SEZ6L: variants seen among roughly 807,000 people sequenced by gnomAD.
SEZ6L encodes seizure 6-like protein.
In SEZ6L, 37 loss-of-function variants were observed where a neutral mutation model predicts 106.2. That is an observed-to-expected ratio of 0.35 (90% CI 0.27 to 0.46). The LOEUF is 0.46. SEZ6L is among the 20% of genes least tolerant of loss of function. The pLI is 1.00. For missense variants in SEZ6L, 1,172 were observed against 1,332.8 expected (o/e 0.88, Z 1.88); for synonymous variants, 541 against 570.4 (o/e 0.95, Z 0.73).
At chr22:26,379,736 G>T (rs2146093655) in intron 16 of SEZ6L, among the ~76,000 whole-genome samples, 1 of 152,304 alleles carries the variant, frequency 6.6e-6, no homozygotes, top group African/African-American at 2.4e-5. Flanking sequence ...CATGGGAAAA[G>T]GTCAGACTGA....
intron 15 of SEZ6L, among the ~76,000 whole-genome samples, chr22:26,376,709 A>G (rs1241008656): frequency 6.6e-6 from 1 of 152,192 alleles, no homozygotes; most frequent in Non-Finnish European, 1.5e-5. Context: ...AGATCATGAC[A>G]CTGCACTCCA....
At chr22:26,350,655 C>CTTTTTTT (rs1181293548) in intron 11 of SEZ6L, among the ~76,000 whole-genome samples, 1 of 130,410 alleles carries the variant, frequency 7.7e-6, no homozygotes, top group African/African-American at 2.9e-5. Flanking sequence ...AGTTAGGAAA[C>CTTTTTTT]TTTTTTTTTT....
chr22:26,231,685 G>A (rs1028075697), intron 1 of SEZ6L, among the ~76,000 whole-genome samples: 2 of 152,326 alleles, frequency 1.3e-5, no homozygotes, highest in South Asian at 2.1e-4. Flanking sequence ...AGGCCCAGGA[G>A]ACAGATCATT....
rs187005694 is a variant in SEZ6L at position 26,317,128 on chromosome 22, G to C, written c.2015+3226G>C. Among the ~76,000 whole-genome samples, 148 of 152,230 alleles carry C rather than the reference G, an allele frequency of 9.7e-4. 1 individual carries two copies. The highest frequency in any genetic ancestry group is 1.2e-3 in the Non-Finnish European group (80 of 68,014). On this transcript the variant is annotated intron_variant, in intron 9 of 16. Coordinates refer to ENST00000248933, the MANE Select transcript of SEZ6L (RefSeq NM_021115.5). ...GCATGGCAGGTGGGTAGAGACTACAGAGGGAATGGATCAAAGGGAAGCTCT... is the reference window on the plus strand; with the variant it reads ...GCATGGCAGGTGGGTAGAGACTACACAGGGAATGGATCAAAGGGAAGCTCT...
At chr22:26,342,202 G>A (rs1036386784) in intron 10 of SEZ6L, among the ~76,000 whole-genome samples, 3 of 152,162 alleles carry the variant, frequency 2.0e-5, no homozygotes, top group African/African-American at 7.2e-5. Context: ...ATTTCAATGG[G>A]CAGGATTCGG....
chr22:26,339,066 A>G (rs796115699), intron 9 of SEZ6L, among the ~76,000 whole-genome samples: 3 of 151,960 alleles, frequency 2.0e-5, no homozygotes, highest in East Asian at 1.9e-4. Flanking sequence ...CAGAGCAAGA[A>G]GCATCACCTA....
chr22:26,257,099 G>T (rs1439074708), intron 1 of SEZ6L, among the ~76,000 whole-genome samples: 8 of 152,144 alleles, frequency 5.3e-5, no homozygotes, highest in Admixed American at 2.6e-4. Flanking sequence ...GTGGGGTGGG[G>T]TTACTGCTGG....
chr22:26,303,258 T>C (rs1309244421), intron 5 of SEZ6L, among the ~76,000 whole-genome samples: 1 of 152,234 alleles, frequency 6.6e-6, no homozygotes, highest in East Asian at 1.9e-4. Context: ...GTCTTTGCTG[T>C]AGGTCACAAC....
chr22:26,304,400 G>A (rs1354119932), intron 5 of SEZ6L, among the ~76,000 whole-genome samples: 2 of 144,650 alleles, frequency 1.4e-5, no homozygotes, highest in African/African-American at 2.6e-5. Flanking sequence ...AAGAAAGAAA[G>A]AAAGAAAGAA....
intron 1 of SEZ6L, among the ~76,000 whole-genome samples, chr22:26,278,340 A>G (rs2080622420): frequency 6.6e-6 from 1 of 152,230 alleles, no homozygotes; most frequent in Admixed American, 6.5e-5. Flanking sequence ...GTGTTACATG[A>G]ATATATTGCA....
At position 26,381,485 on chromosome 22, in the gene SEZ6L, C is replaced by G. The variant is rs1253315922; in HGVS notation, c.*1190C>G. On this transcript the variant is annotated 3_prime_UTR_variant, in exon 17 of 17. Transcript: ENST00000248933. ...ATGCTGACTGAGGAGGTGCAGAGAA[C>G]AGGGGCAGGGGATTTTAAATCACAG... 6.6e-6 allele frequency: 1 copy of G among 152,330 alleles called. No homozygotes were observed. The highest frequency in any genetic ancestry group is 1.5e-5 in the Non-Finnish European group (1 of 68,194). 9.4% of individuals were successfully genotyped at this position (152,330 alleles called of 1,614,324 possible).
chr22:26,242,536 G>A (rs2079171860), intron 1 of SEZ6L, among the ~76,000 whole-genome samples: 1 of 152,088 alleles, frequency 6.6e-6, no homozygotes, highest in South Asian at 2.1e-4. Flanking sequence ...AGTGGTTTAA[G>A]AACCACGACT....
At chr22:26,316,419 G>A (rs1465047778) in intron 9 of SEZ6L, among the ~76,000 whole-genome samples, 1 of 152,222 alleles carries the variant, frequency 6.6e-6, no homozygotes, top group Non-Finnish European at 1.5e-5. Flanking sequence ...AGTAAATGCA[G>A]TGTGAAAGGA....
At chr22:26,234,890 G>T (rs1439061492) in intron 1 of SEZ6L, among the ~76,000 whole-genome samples, 1 of 152,212 alleles carries the variant, frequency 6.6e-6, no homozygotes. Context: ...TGGAAGAGGT[G>T]ATATTTAAGC....
chr22:26,252,580 T>G (rs1189027154), intron 1 of SEZ6L, among the ~76,000 whole-genome samples: 1 of 152,178 alleles, frequency 6.6e-6, no homozygotes, highest in Non-Finnish European at 1.5e-5. Context: ...CCCTCACTCC[T>G]CCCTCTAGTA....
At chr22:26,201,382 C>CAAAAAAAAAAAAAAAAAAAAAAAAAAA (rs71192905) in intron 1 of SEZ6L, among the ~76,000 whole-genome samples, 5 of 75,290 alleles carry the variant, frequency 6.6e-5, no homozygotes, top group Admixed American at 1.6e-4. Flanking sequence ...TACAAAAATA[C>CAAAAAAAAAAAAAAAAAAAAAAAAAAA]AAAAAAAAAA....
intron 1 of SEZ6L, among the ~76,000 whole-genome samples, chr22:26,218,568 G>GCT (rs572267256): frequency 4.5e-4 from 69 of 152,368 alleles, no homozygotes; most frequent in Non-Finnish European, 8.5e-4. Context: ...TTGGGAGGCT[G>GCT]AAGTGGGTGG....
At chr22:26,223,828 C>A (rs899011425) in intron 1 of SEZ6L, among the ~76,000 whole-genome samples, 2 of 151,934 alleles carry the variant, frequency 1.3e-5, no homozygotes, top group Non-Finnish European at 2.9e-5. Context: ...TAATTAAGGC[C>A]CCCGGATAGG....
At chr22:26,228,547 T>C (rs1051195782) in intron 1 of SEZ6L, among the ~76,000 whole-genome samples, 28 of 152,224 alleles carry the variant, frequency 1.8e-4, no homozygotes, top group Non-Finnish European at 4.0e-4. Context: ...CAGCCCTCTA[T>C]GCCTCCTCAT....
Sources: allele counts gnomAD v4.1 joint callset (sites outside exome capture counted in the v4.1 genomes callset), GRCh38; gene constraint gnomAD v4.1.1; transcripts MANE v1.5; gene names NCBI Gene and HGNC (gene_info 2026-07-23, HGNC 2026-07-21).